The following RAB15 variants were observed in gnomAD, a reference collection of about 807,000 sequenced individuals.
RAB15 encodes RAB15, member RAS oncogene family, also known as ras-related protein Rab-15.
Under a neutral mutation model 31.8 loss-of-function variants are expected in RAB15, and 13 were observed. The observed-to-expected ratio is 0.41, with a 90% CI of 0.27 to 0.65. RAB15 has a LOEUF of 0.65. Ranked by LOEUF, RAB15 falls within the 30% of genes least tolerant of loss-of-function variation. The pLI is 0.32. For missense variants in RAB15, 220 were observed against 277.3 expected, an observed-to-expected ratio of 0.79 and a Z score of 1.47; for synonymous variants, 100 against 105.6, an observed-to-expected ratio of 0.95 and a Z score of 0.33.
Position 64,962,040 on chromosome 14 carries a change from C to T in RAB15, c.125-9469G>A, listed in dbSNP as rs1294626699. Reference sequence around the variant, plus strand: ...GACCAGCCTGGCCAACATGGTGAAACCTTGTCTCTACTAAAAATACAAAAA... The same window carrying T: ...GACCAGCCTGGCCAACATGGTGAAATCTTGTCTCTACTAAAAATACAAAAA... On this transcript the variant is annotated intron_variant, in intron 1 of 6. Coordinates refer to ENST00000533601, the MANE Select transcript of RAB15 (RefSeq NM_001308154.2). This position sits in a 1 kb window ranked among gnomAD's most constrained non-coding sequence, Gnocchi z 4.2. Among the ~76,000 whole-genome samples, 4 of 152,016 alleles carry T rather than the reference C, an allele frequency of 2.6e-5. No homozygotes were observed. Among genetic ancestry groups the T allele is most frequent in the African/African-American group, 7.2e-5 (3 of 41,380 alleles).
Position 64,950,307 on chromosome 14 carries a change from C to A in RAB15, c.414+18G>T. The A allele has an allele frequency of 6.2e-7, 1 of 1,607,664 alleles. No homozygotes were observed. ...CAGCAGAGGACCTGGGGTGGACTTGCCTTTTCCCTCCACTTACCTGCTGCC... is the reference window on the plus strand; with the variant it reads ...CAGCAGAGGACCTGGGGTGGACTTGACTTTTCCCTCCACTTACCTGCTGCC... On this transcript the variant is annotated intron_variant, in intron 5 of 6. Transcript: ENST00000533601. The surrounding 1 kb of genome is among the most constrained non-coding windows in gnomAD (Gnocchi z 5.6).
intron 1 of RAB15, among the ~76,000 whole-genome samples, chr14:64,966,082 C>A (rs1030740588): frequency 1.3e-5 from 2 of 152,214 alleles, no homozygotes; most frequent in African/African-American, 4.8e-5. Context: ...CCACCTCACT[C>A]TTCCTTCTCA....
In RAB15 at chr14:64,948,238, TACTC is replaced by T. The variant is rs1886021125; in HGVS notation, c.*112_*115del. The T allele has an allele frequency of 5.4e-6, 6 of 1,102,372 alleles. No homozygotes were observed. The South Asian group carries it at 5.8e-5, about 11-fold the overall frequency. The allele number at this position is 1,102,372 out of a possible 1,614,324, so 68.3% of individuals were successfully genotyped here. A position where few individuals can be genotyped will look rare whatever the true frequency, so the allele number is the denominator to read the frequency against. On this transcript the variant is annotated 3_prime_UTR_variant, in exon 7 of 7. Transcript: ENST00000533601. The surrounding 1 kb of genome is among the most constrained non-coding windows in gnomAD (Gnocchi z 7.0). ...AGGCAGGGGGAGTAGTGGCTACTGA[TACTC>T]AATAGGGTCATCACACGAGAGGACA...
chr14:64,951,628 G>T lies in RAB15; in HGVS notation c.221C>A (p.Thr74Lys). The T allele has an allele frequency of 6.2e-7, 1 of 1,614,210 alleles. No individual in the cohort carries two copies. The highest frequency in any genetic ancestry group is 8.5e-7 in the Non-Finnish European group (1 of 1,180,032). ...CTGGGCCCGCCGATAGTACTGCTTT[G>T]TGATGGTCTGGTATCTCTCCTGCCC... is the stretch of plus-strand genomic sequence containing the variant. ...TAGQERYQTI[T>K]KQYYRRAQGI... The change falls in exon 3 of 7, where the codon ACA becomes AAA. Residue 74 changes from threonine (T) to lysine (K), a missense_variant. By Grantham distance (78) the Thr-to-Lys change is moderately conservative. Transcript: ENST00000533601. This position sits in a 1 kb window ranked among gnomAD's most constrained non-coding sequence, Gnocchi z 7.2.
intron 1 of RAB15, among the ~76,000 whole-genome samples, chr14:64,965,737 C>T (rs567100278): frequency 2.6e-5 from 4 of 152,280 alleles, no homozygotes; most frequent in Admixed American, 2.6e-4. Flanking sequence ...AAGCTCATCA[C>T]CAGCCTGTCT....
rs1886719015 is a variant in RAB15 at position 64,958,987 on chromosome 14, A to G, written c.125-6416T>C. Among the ~76,000 whole-genome samples, 1 of 152,212 alleles carries G rather than the reference A, an allele frequency of 6.6e-6. No individual in the cohort carries two copies. Among genetic ancestry groups the G allele is most frequent in the African/African-American group, 2.4e-5 (1 of 41,456 alleles). On this transcript the variant is annotated intron_variant, in intron 1 of 6. Transcript: ENST00000533601. This position sits in a 1 kb window ranked among gnomAD's most constrained non-coding sequence, Gnocchi z 4.4. ...GAAGCAGGTTCAGACTGGACCATCA[A>G]CAGGTTTGCTGGTGACCCACAGGGT...
At chr14:64,959,073 A>G (rs1391923311) in intron 1 of RAB15, among the ~76,000 whole-genome samples, 1 of 152,238 alleles carries the variant, frequency 6.6e-6, no homozygotes, top group African/African-American at 2.4e-5. Context: ...CACTCCAGGC[A>G]GGGCAGTGGG....
chr14:64,951,220 C>A lies in RAB15; in HGVS notation c.247-69G>T. On this transcript the variant is annotated intron_variant, in intron 3 of 6. Transcript: ENST00000533601. The surrounding 1 kb of genome is among the most constrained non-coding windows in gnomAD (Gnocchi z 7.2). ...GTGCAGTCATGGGGCCAGAAGGGGCCGTGGAAACTTAAAGGTTGGGTCCCA... is the reference window on the plus strand; with the variant it reads ...GTGCAGTCATGGGGCCAGAAGGGGCAGTGGAAACTTAAAGGTTGGGTCCCA... 7.5e-7 allele frequency: 1 copy of A among 1,334,032 alleles called. No individual in the cohort carries two copies. Among genetic ancestry groups the A allele is most frequent in the Non-Finnish European group, 1.1e-6 (1 of 945,358 alleles). The allele number at this position is 1,334,032 out of a possible 1,614,324, so 82.6% of individuals were successfully genotyped here. A position where few individuals can be genotyped will look rare whatever the true frequency, so the allele number is the denominator to read the frequency against.
At position 64,948,778 on chromosome 14, in the gene RAB15, G is replaced by T. The variant is rs1360482141; in HGVS notation, c.415-45C>A. ...CTGAAAGAGAGTCAGTAAGGCAGGGGAGGGGCCCATACAACCAGGCACAGG... is the reference window on the plus strand; with the variant it reads ...CTGAAAGAGAGTCAGTAAGGCAGGGTAGGGGCCCATACAACCAGGCACAGG... On this transcript the variant is annotated intron_variant, in intron 5 of 6. Transcript: ENST00000533601. This position sits in a 1 kb window ranked among gnomAD's most constrained non-coding sequence, Gnocchi z 7.0. 5 of 1,571,768 alleles carry T rather than the reference G, an allele frequency of 3.2e-6. No homozygotes were observed. Among genetic ancestry groups the T allele is most frequent in the Non-Finnish European group, 4.4e-6 (5 of 1,143,354 alleles).
intron 5 of RAB15, among the ~76,000 whole-genome samples, chr14:64,949,843 T>C (rs902560340): frequency 6.6e-6 from 1 of 152,172 alleles, no homozygotes; most frequent in Non-Finnish European, 1.5e-5. Flanking sequence ...CTACCCTTTC[T>C]GCCCCCATGG....
In RAB15 at chr14:64,946,406, A is replaced by T. The variant is rs1038413310; in HGVS notation, c.*1948T>A. 6.6e-6 allele frequency: 1 copy of T among 152,196 alleles called. No homozygotes were observed. Among genetic ancestry groups the T allele is most frequent in the African/African-American group, 2.4e-5 (1 of 41,448 alleles). The allele number at this position is 152,196 out of a possible 1,614,324, so 9.4% of individuals were successfully genotyped here. A position where few individuals can be genotyped will look rare whatever the true frequency, so the allele number is the denominator to read the frequency against. The stretch of plus-strand genomic sequence containing the variant: ...CACCTACTTCCCTAGCCCCAGTGTG[A>T]TGTGGCATAGGTCTTGATACCCAAG... On this transcript the variant is annotated 3_prime_UTR_variant, in exon 7 of 7. Transcript: ENST00000533601.
intron 1 of RAB15, among the ~76,000 whole-genome samples, chr14:64,961,288 C>T (rs1003825436): frequency 7.2e-5 from 11 of 152,186 alleles, no homozygotes; most frequent in Admixed American, 2.0e-4. Context: ...CAGGAGGTCA[C>T]CTCTAAAGAG....
At position 64,951,129 on chromosome 14, in the gene RAB15, A is replaced by G. The variant is rs748808005; in HGVS notation, c.269T>C (p.Ile90Thr). 9.3e-6 allele frequency: 15 copies of G among 1,612,672 alleles called. No individual in the cohort carries two copies. The South Asian group carries it at 1.5e-4, about 17-fold the overall frequency. Residue 90 changes from isoleucine to threonine, a missense_variant, in exon 4 of 7, where the codon ATT becomes ACT. Ile to Thr is a moderately conservative substitution (Grantham distance 89). Coordinates refer to ENST00000533601, the MANE Select transcript of RAB15 (RefSeq NM_001308154.2). This position sits in a 1 kb window ranked among gnomAD's most constrained non-coding sequence, Gnocchi z 7.2. The part of the protein sequence containing the change: ...RAQGIFLVYD[I>T]SSERSYQHIM... ...GTGCTGGTAAGAGCGCTCGCTGCTA[A>G]TGTCATAGACCAAAAATATCCCCTG...
rs765534223 is a variant in RAB15 at position 64,968,642 on chromosome 14, CTT to C, written c.124+3309_124+3310del. Reference sequence around the variant, plus strand: ...CTAGCTCTTTGTTTTTTGTTTTTCCCTTTGTCTTGCCTCCCCATCTAGGTTAT... The same window carrying C: ...CTAGCTCTTTGTTTTTTGTTTTTCCCTGTCTTGCCTCCCCATCTAGGTTAT... On this transcript the variant is annotated intron_variant, in intron 1 of 6. Transcript: ENST00000533601. The surrounding 1 kb of genome is among the most constrained non-coding windows in gnomAD (Gnocchi z 4.9). Among the ~76,000 whole-genome samples, 13 of 152,204 alleles carry C rather than the reference CTT, an allele frequency of 8.5e-5. No individual in the cohort carries two copies. Among genetic ancestry groups the C allele is most frequent in the South Asian group, 2.1e-4 (1 of 4,824 alleles).
rs1886019772 is a variant in RAB15 at position 64,948,203 on chromosome 14, T to C, written c.*151A>G. 3.7e-6 allele frequency: 3 copies of C among 813,666 alleles called. No homozygotes were observed. The highest frequency in any genetic ancestry group is 3.7e-4 in the Middle Eastern group (1 of 2,674). 50.4% of individuals were successfully genotyped at this position (813,666 alleles called of 1,614,324 possible). On this transcript the variant is annotated 3_prime_UTR_variant, in exon 7 of 7. Transcript: ENST00000533601. The surrounding 1 kb of genome is among the most constrained non-coding windows in gnomAD (Gnocchi z 7.0). ...CTGCTTGAGATGACAGCAGAGCCGCTCTCAGGGCCAGGCAGGGGGAGTAGT... is the reference window on the plus strand; with the variant it reads ...CTGCTTGAGATGACAGCAGAGCCGCCCTCAGGGCCAGGCAGGGGGAGTAGT...
Position 64,946,180 on chromosome 14 carries a change from G to T in RAB15, c.*2174C>A, listed in dbSNP as rs943038990. 3.3e-5 allele frequency: 5 copies of T among 152,194 alleles called. No homozygotes were observed. Among genetic ancestry groups the T allele is most frequent in the African/African-American group, 1.2e-4 (5 of 41,418 alleles). 9.4% of individuals were successfully genotyped at this position (152,194 alleles called of 1,614,324 possible). On this transcript the variant is annotated 3_prime_UTR_variant, in exon 7 of 7. Coordinates refer to ENST00000533601, the MANE Select transcript of RAB15 (RefSeq NM_001308154.2). The stretch of plus-strand genomic sequence containing the variant: ...AGGGCCTATCAGTCTATAGAATCCT[G>T]ATTCCATGTTTTCCCTTCCAGAACC...
At chr14:64,964,299 G>A (rs1375180086) in intron 1 of RAB15, among the ~76,000 whole-genome samples, 5 of 151,994 alleles carry the variant, frequency 3.3e-5, no homozygotes, top group East Asian at 3.9e-4. Context: ...CGAGGTGGGC[G>A]GATCACGAGG....
rs1566845800 is a variant in RAB15 at position 64,958,168 on chromosome 14, G to A, written c.125-5597C>T. 1 of 152,238 alleles carries A rather than the reference G, an allele frequency of 6.6e-6. No homozygotes were observed. Among genetic ancestry groups the A allele is most frequent in the African/African-American group, 2.4e-5 (1 of 41,446 alleles). 9.4% of individuals were successfully genotyped at this position (152,238 alleles called of 1,614,324 possible). ...CTGACATTATGCGGCATCTAGAAGT[G>A]AGGCAGGGGGCACATGAGGAGAAGC... On this transcript the variant is annotated intron_variant, in intron 1 of 6. Coordinates refer to ENST00000533601, the MANE Select transcript of RAB15 (RefSeq NM_001308154.2). This position sits in a 1 kb window ranked among gnomAD's most constrained non-coding sequence, Gnocchi z 4.4.
chr14:64,956,020 G>A (rs1417173369), intron 1 of RAB15, among the ~76,000 whole-genome samples: 7 of 152,168 alleles, frequency 4.6e-5, no homozygotes, highest in African/African-American at 7.2e-5. Flanking sequence ...TGAAGATGAC[G>A]CTACTGTCCA....
Sources: allele counts gnomAD v4.1 joint callset (sites outside exome capture counted in the v4.1 genomes callset), GRCh38; gene constraint gnomAD v4.1.1; non-coding constraint Gnocchi (gnomAD v3.1); transcripts MANE v1.5; gene names NCBI Gene and HGNC (gene_info 2026-07-23, HGNC 2026-07-21).